DNAH8: variants seen among roughly 807,000 people sequenced by gnomAD.
DNAH8 encodes the protein dynein axonemal heavy chain 8, also known as axonemal beta dynein heavy chain 8.
Under a neutral mutation model 562.1 loss-of-function variants are expected in DNAH8, and 382 were observed. The observed-to-expected ratio is 0.68, with a 90% CI of 0.63 to 0.74. The LOEUF (loss-of-function observed/expected upper bound fraction) is 0.74, where lower values mean the gene tolerates loss of function less well. DNAH8 is among the 30% of genes least tolerant of loss of function. The probability of loss-of-function intolerance (pLI) is 0.00; values close to 1 mark genes in which losing one functional copy is unlikely to be tolerated. For synonymous variants in DNAH8, 1,881 were observed against 1,919.4 expected (o/e 0.98, Z 0.52); for missense variants, 5,203 against 5,620.4 (o/e 0.93, Z 2.37).
chr6:38,778,351 C>A, intron 13 of DNAH8, 37 bp from the exon 14 acceptor site: 1 of 1,175,572 alleles, frequency 8.5e-7, no homozygotes, highest in Non-Finnish European at 1.2e-6. Context: ...ATCTCTTTAA[C>A]ACCAAAAATC....
rs184102809 is a variant in DNAH8, at chr6:38,785,331, G to C, written c.2396-1434G>C. Reference sequence around the variant, plus strand: ...GTTGCTCAGTAAAGTTTCTCTGATGGTGGTTCACATACGATGAAATGCTTG... The same window carrying C: ...GTTGCTCAGTAAAGTTTCTCTGATGCTGGTTCACATACGATGAAATGCTTG... On this transcript the variant is annotated intron_variant, in intron 17 of 92. Transcript: ENST00000327475. Among the ~76,000 whole-genome samples, 124 of 152,188 alleles carry C rather than the reference G, an allele frequency of 8.1e-4. 1 individual carries two copies. The highest frequency in any genetic ancestry group is 7.4e-3 in the Admixed American group (113 of 15,272).
At position 38,897,737 on chromosome 6, in the gene DNAH8, G is replaced by T. The variant is rs186880021; in HGVS notation, c.8941-521G>T. Among the ~76,000 whole-genome samples the T allele has an allele frequency of 2.1e-4, 32 of 152,068 alleles. No homozygotes were observed. In the East Asian group the frequency reaches 5.2e-3, roughly 25 times the overall value. ...TCGAGGCTGCAGTGAGCTATGATTG[G>T]ACCACTGCACTCCAGTCCGGGTGAC... On this transcript the variant is annotated intron_variant, in intron 60 of 92. Coordinates refer to ENST00000327475, the MANE Select transcript of DNAH8 (RefSeq NM_001206927.2).
chr6:38,827,629 T>C (rs1773456400), intron 29 of DNAH8, among the ~76,000 whole-genome samples: 1 of 150,932 alleles, frequency 6.6e-6, no homozygotes, highest in Admixed American at 6.6e-5. Context: ...TTTAAAAAAA[T>C]CGTGGTATTT....
chr6:38,898,563 C>G (rs1263241685), intron 61 of DNAH8, among the ~76,000 whole-genome samples, 183 bp downstream of exon 61: 1 of 152,134 alleles, frequency 6.6e-6, no homozygotes, highest in Non-Finnish European at 1.5e-5. Context: ...TTATTTGAAT[C>G]CATCTACATG....
intron 82 of DNAH8, among the ~76,000 whole-genome samples, chr6:38,970,386 G>A (rs1763255356): frequency 6.6e-6 from 1 of 152,130 alleles, no homozygotes; most frequent in South Asian, 2.1e-4. Context: ...TTAGGAGCTG[G>A]AAAGATTCAT....
chr6:38,959,580 A>G (rs1435302698), intron 82 of DNAH8, among the ~76,000 whole-genome samples: 1 of 152,126 alleles, frequency 6.6e-6, no homozygotes, highest in African/African-American at 2.4e-5. Context: ...AAATCTCTAC[A>G]ATGAAAATTA....
chr6:38,717,214 G>C (rs1448920666), intron 1 of DNAH8, among the ~76,000 whole-genome samples: 1 of 152,202 alleles, frequency 6.6e-6, no homozygotes, highest in African/African-American at 2.4e-5. Context: ...GTCTGTGAAG[G>C]AGAGAAGGAC....
At position 38,775,942 on chromosome 6, in the gene DNAH8, T is replaced by C; in HGVS notation, c.1953T>C (p.Asn651=). 1 of 1,607,276 alleles carries C rather than the reference T, an allele frequency of 6.2e-7. No homozygotes were observed. Among genetic ancestry groups the C allele is most frequent in the Non-Finnish European group, 8.5e-7 (1 of 1,174,144 alleles). The change falls in exon 13 of 93, where the codon AAT becomes AAC. Residue 651 remains asparagine (N), a synonymous_variant. Transcript: ENST00000327475. ...TCTTAGATTTCATGACAAAAATCAA[T>C]GGTTTAGAGGTAAGTAATTATACCT... The part of the protein sequence containing the change: ...TDFLDFMTKI[N]GLEVQIQAFM...
intron 43 of DNAH8, among the ~76,000 whole-genome samples, chr6:38,861,148 G>A (rs956206337): frequency 6.6e-6 from 1 of 152,166 alleles, no homozygotes; most frequent in Non-Finnish European, 1.5e-5. Context: ...TTCAATAAAT[G>A]TTGTTAGAAT....
chr6:38,719,280 C>A (rs189656185), intron 1 of DNAH8, among the ~76,000 whole-genome samples: 77 of 152,288 alleles, frequency 5.1e-4, no homozygotes, highest in African/African-American at 1.8e-3. Context: ...AGATTTCTTA[C>A]AAAGGTTTAT....
At chr6:38,856,584 G>C (rs551009140) in intron 41 of DNAH8, among the ~76,000 whole-genome samples, 79 of 152,186 alleles carry the variant, frequency 5.2e-4, no homozygotes, top group African/African-American at 1.8e-3. Context: ...TTCTGACACT[G>C]CTTGTTTTCT....
intron 1 of DNAH8, among the ~76,000 whole-genome samples, chr6:38,717,726 A>G (rs1014030642): frequency 1.1e-4 from 17 of 151,682 alleles, no homozygotes; most frequent in South Asian, 6.3e-4. Flanking sequence ...TTTCACTCAG[A>G]GTGATTCTTA....
At chr6:38,898,159 T>C (rs1779826321) in intron 60 of DNAH8, 99 bp from the exon 61 acceptor site, 2 of 1,045,198 alleles carry the variant, frequency 1.9e-6, no homozygotes, top group Non-Finnish European at 2.7e-6. Context: ...AAAAAAGATA[T>C]GTATATTTTA....
intron 6 of DNAH8, among the ~76,000 whole-genome samples, chr6:38,737,539 A>T (rs2127581653): frequency 6.6e-6 from 1 of 151,566 alleles, no homozygotes; most frequent in East Asian, 1.9e-4. Context: ...GAACTCTTAA[A>T]AATCTATACT....
chr6:38,884,017 A>T lies in DNAH8; in HGVS notation c.8259+19A>T. The T allele has an allele frequency of 6.9e-7, 1 of 1,454,540 alleles. No homozygotes were observed. The highest frequency in any genetic ancestry group is 9.1e-7 in the Non-Finnish European group (1 of 1,095,568). 90.1% of individuals were successfully genotyped at this position (1,454,540 alleles called of 1,614,324 possible). ...AGATCAGGTATGGCTGAAATATCTCATATAGATGATCCTGAATTTGTATTT... is the reference window on the plus strand; with the variant it reads ...AGATCAGGTATGGCTGAAATATCTCTTATAGATGATCCTGAATTTGTATTT... On this transcript the variant is annotated intron_variant, in intron 56 of 92. Coordinates refer to ENST00000327475, the MANE Select transcript of DNAH8 (RefSeq NM_001206927.2).
intron 53 of DNAH8, among the ~76,000 whole-genome samples, chr6:38,881,644 C>T (rs953413198): frequency 5.9e-5 from 9 of 151,570 alleles, no homozygotes; most frequent in Non-Finnish European, 4.4e-5. Flanking sequence ...CTCCGCCTCC[C>T]GGGTTCAAGT....
intron 79 of DNAH8, 144 bp from the exon 80 acceptor site, chr6:38,945,323 C>A: frequency 1.2e-6 from 1 of 848,058 alleles, no homozygotes; most frequent in Non-Finnish European, 1.8e-6. Flanking sequence ...CCAAAAAACC[C>A]TCACATTTTC....
intron 21 of DNAH8, among the ~76,000 whole-genome samples, chr6:38,794,197 C>T (rs79002990): frequency 0.028 from 4,324 of 151,982 alleles, 197 homozygotes; most frequent in African/African-American, 0.096. Context: ...TTTCCTTTCT[C>T]GTCCACTCTT....
chr6:38,748,755 AAAT>A (rs57398991), intron 8 of DNAH8, among the ~76,000 whole-genome samples: 2,629 of 138,580 alleles, frequency 0.019, 25 homozygotes, highest in Non-Finnish European at 0.025. Flanking sequence ...CTCCGTCTCA[AAAT>A]AATAATAATA....
Sources: allele counts gnomAD v4.1 joint callset (sites outside exome capture counted in the v4.1 genomes callset), GRCh38; gene constraint gnomAD v4.1.1; transcripts MANE v1.5; gene names NCBI Gene and HGNC (gene_info 2026-07-23, HGNC 2026-07-21).